SCN1A: variants seen among roughly 807,000 people sequenced by gnomAD.
SCN1A encodes sodium voltage-gated channel alpha subunit 1, also known as sodium channel protein type 1 subunit alpha.
SCN1A carries 13 observed loss-of-function variants against 193.7 expected under a neutral mutation model. The ratio of observed to expected loss-of-function variants is 0.07; its 90% CI spans 0.04 to 0.11. The LOEUF is 0.11. Among genes scored for constraint, SCN1A ranks in the 10% least tolerant of loss-of-function variants. The pLI, the probability that SCN1A is intolerant of heterozygous loss-of-function variation, is 1.00. For synonymous variants in SCN1A, 781 were observed against 843.6 expected (o/e 0.93, Z 1.29); for missense variants, 1,432 against 2,451.1 (o/e 0.58, Z 8.78).
chr2:166,019,912 C>CTT (rs200535265), intron 19 of SCN1A, among the ~76,000 whole-genome samples: 10,105 of 134,470 alleles, frequency 0.075, 574 homozygotes, highest in Non-Finnish European at 0.11. Flanking sequence ...AGGTGAACTT[C>CTT]TTTTTTTTTT....
At chr2:166,013,922 GTAGA>G in intron 20 of SCN1A, 24 bp from the exon 21 acceptor site, 1 of 1,608,222 alleles carries the variant, frequency 6.2e-7, no homozygotes, top group Non-Finnish European at 8.5e-7. Flanking sequence ...TGAAATAAAA[GTAGA>G]TAAAGTGTCT....
At chr2:166,099,444 A>G (rs575896192) in intron 2 of SCN1A, among the ~76,000 whole-genome samples, 1 of 142,634 alleles carries the variant, frequency 7.0e-6, no homozygotes, top group East Asian at 2.0e-4. Flanking sequence ...CCCTTTGAAA[A>G]CGGGCACAAG....
At chr2:165,993,889 A>G (rs1363031139) in intron 28 of SCN1A, 10 of 527,592 alleles carry the variant, frequency 1.9e-5, no homozygotes, top group Non-Finnish European at 3.3e-5. Flanking sequence ...ATTTTAGTTA[A>G]TAGCACAGTT....
chr2:166,078,843 T>C (rs1011310070), intron 2 of SCN1A, among the ~76,000 whole-genome samples: 1 of 151,560 alleles, frequency 6.6e-6, no homozygotes. Context: ...TAAAATGAAT[T>C]TTGGTTTCAA....
At chr2:166,055,679 GC>G (rs1699061551) in intron 6 of SCN1A, among the ~76,000 whole-genome samples, 1 of 151,970 alleles carries the variant, frequency 6.6e-6, no homozygotes, top group Non-Finnish European at 1.5e-5. Flanking sequence ...TGGGTCAGCA[GC>G]TGTATAGTAA....
chr2:166,077,483 T>C (rs1157227141), intron 3 of SCN1A, among the ~76,000 whole-genome samples: 2 of 151,904 alleles, frequency 1.3e-5, no homozygotes, highest in African/African-American at 4.8e-5. Flanking sequence ...ATCCATCATA[T>C]GTCATTAGTG....
intron 2 of SCN1A, among the ~76,000 whole-genome samples, chr2:166,095,531 T>C (rs115903102): frequency 0.012 from 1,863 of 152,312 alleles, 43 homozygotes; most frequent in African/African-American, 0.041. Flanking sequence ...AAATATCCCA[T>C]GATCCCATGA....
chr2:166,090,029 C>CTTTTTTTTTTTTTTT (rs545740675), intron 2 of SCN1A, among the ~76,000 whole-genome samples: 1 of 71,420 alleles, frequency 1.4e-5, no homozygotes, highest in Non-Finnish European at 2.6e-5. Context: ...TCCTTCTTTC[C>CTTTTTTTTTTTTTTT]TTTTTTTTTT....
chr2:166,051,523 T>G (rs775206001), intron 9 of SCN1A, among the ~76,000 whole-genome samples, 196 bp downstream of exon 9: 23 of 151,964 alleles, frequency 1.5e-4, no homozygotes, highest in Non-Finnish European at 2.9e-4. Context: ...AGTTTTAAAT[T>G]TTAAATTTTA....
chr2:166,084,878 A>G (rs1234854088), intron 2 of SCN1A, among the ~76,000 whole-genome samples: 2 of 152,186 alleles, frequency 1.3e-5, no homozygotes, highest in East Asian at 1.9e-4. Flanking sequence ...GCTCCTTATT[A>G]TTAAGGATTT....
intron 1 of SCN1A, among the ~76,000 whole-genome samples, chr2:166,146,971 C>T (rs559984719): frequency 6.6e-6 from 1 of 151,992 alleles, no homozygotes. Context: ...CAGTAAAAAC[C>T]ATTTTTATAA....
At chr2:166,060,496 C>T (rs553584580) in intron 4 of SCN1A, 6 of 152,242 alleles carry the variant, frequency 3.9e-5, no homozygotes, top group African/African-American at 1.2e-4. Flanking sequence ...ATATGGTCCA[C>T]CTTTCAAATG....
chr2:166,059,196 G>T (rs934638271), intron 4 of SCN1A, among the ~76,000 whole-genome samples: 9 of 151,928 alleles, frequency 5.9e-5, no homozygotes, highest in African/African-American at 2.2e-4. Flanking sequence ...CACTCTCTTC[G>T]TAATAGAAAA....
intron 19 of SCN1A, among the ~76,000 whole-genome samples, chr2:166,034,918 A>G (rs1416525536): frequency 6.6e-6 from 1 of 152,202 alleles, no homozygotes; most frequent in African/African-American, 2.4e-5. Flanking sequence ...AGCCCTCACT[A>G]GACATTGATG....
chr2:166,052,148 G>A (rs1698645362), intron 8 of SCN1A, among the ~76,000 whole-genome samples, 160 bp from the exon 9 acceptor site: 1 of 152,036 alleles, frequency 6.6e-6, no homozygotes, highest in South Asian at 2.1e-4. Flanking sequence ...AACTTATGAA[G>A]ATAAACTCCA....
chr2:165,998,246 C>A (rs569532714), intron 25 of SCN1A, 71 bp from the exon 26 acceptor site: 4 of 1,281,272 alleles, frequency 3.1e-6, no homozygotes, highest in Admixed American at 1.9e-5. Context: ...GGTGCTTTTT[C>A]ATAACAATAG....
chr2:166,051,735 T>C lies in SCN1A; in HGVS notation c.948A>G (p.Ser316=), dbSNP rs1277821114. The change falls in exon 9 of 29, where the codon TCA becomes TCG. Residue 316 remains serine, a synonymous_variant. Coordinates refer to ENST00000674923, the MANE Select transcript of SCN1A (RefSeq NM_001165963.4). The part of the protein sequence containing the change: ...NETVFEFDWK[S]YIQDSRYHYF... Reference sequence around the variant, plus strand: ...AATTCTTACTTGAATCTTGAATATATGACTTCCAGTCAAACTCAAAGACAG... The same window carrying C: ...AATTCTTACTTGAATCTTGAATATACGACTTCCAGTCAAACTCAAAGACAG... The C allele has an allele frequency of 7.5e-6, 12 of 1,602,676 alleles. No homozygotes were observed. The highest frequency in any genetic ancestry group is 4.0e-5 in the African/African-American group (3 of 74,744).
chr2:166,122,621 C>T (rs147655098), intron 2 of SCN1A, among the ~76,000 whole-genome samples: 94 of 151,862 alleles, frequency 6.2e-4, no homozygotes, highest in African/African-American at 1.7e-3. Context: ...GACAATTCAC[C>T]GGGGAAAGAA....
At chr2:166,118,037 A>C (rs1414601495) in intron 2 of SCN1A, among the ~76,000 whole-genome samples, 2 of 151,760 alleles carry the variant, frequency 1.3e-5, no homozygotes, top group Non-Finnish European at 2.9e-5. Context: ...TTCTGAGAAC[A>C]TGACTGTGAA....
Sources: gnomAD v4.1 joint callset for allele counts (sites outside exome capture counted in the v4.1 genomes callset) on GRCh38, gnomAD v4.1.1 for gene constraint, MANE v1.5 for transcripts, NCBI Gene and HGNC (gene_info 2026-07-23, HGNC 2026-07-21) for gene names.